CFAP161: variants seen among roughly 807,000 people sequenced by gnomAD.
CFAP161 encodes the protein cilia and flagella associated protein 161, also known as cilia- and flagella-associated protein 161.
In CFAP161, 25 loss-of-function variants were observed where a neutral mutation model predicts 29.0. That is an observed-to-expected ratio of 0.86 (90% CI 0.63 to 1.20). CFAP161 has a LOEUF of 1.20. Among genes scored for constraint, CFAP161 ranks in the 50% most tolerant of loss-of-function variants. CFAP161 has a pLI of 0.00. For missense variants in CFAP161, 367 were observed against 371.9 expected, an observed-to-expected ratio of 0.99 and a Z score of 0.11; for synonymous variants, 116 against 137.4, an observed-to-expected ratio of 0.84 and a Z score of 1.09.
At chr15:81,105,156 C>T (rs1349405387) in intron 1 of CFAP161, among the ~76,000 whole-genome samples, 12 of 23,372 alleles carry the variant, frequency 5.1e-4, no homozygotes, top group African/African-American at 1.2e-3. Context: ...TCCCTCCCTC[C>T]CTCCCTTCCT....
At chr15:81,124,984 G>C (rs990565912) in intron 1 of CFAP161, among the ~76,000 whole-genome samples, 54 of 151,606 alleles carry the variant, frequency 3.6e-4, no homozygotes, top group Non-Finnish European at 5.7e-4. Flanking sequence ...ATTTGTTTCA[G>C]TTAAAAAATT....
chr15:81,136,505 C>G lies in CFAP161; in HGVS notation c.160-11C>G, dbSNP rs1268804148. On this transcript the variant is annotated splice_polypyrimidine_tract_variant and intron_variant, in intron 2 of 6. Transcript: ENST00000286732. ...CATGGTTTATGTAATAAACTACTAT[C>G]AAAATTGTAGATGCAACTTTCCGTA... The G allele has an allele frequency of 6.2e-7, 1 of 1,612,124 alleles. No homozygotes were observed. The highest frequency in any genetic ancestry group is 1.1e-5 in the South Asian group (1 of 90,996).
At chr15:81,133,567 C>G (rs1894753515), upstream of CFAP161, among the ~76,000 whole-genome samples, 1 of 152,032 alleles carries the variant, frequency 6.6e-6, no homozygotes. Flanking sequence ...TAACTGGTAT[C>G]CCTCCCCTCC....
intron 1 of CFAP161, chr15:81,118,133 G>T: frequency 3.8e-6 from 2 of 522,250 alleles, no homozygotes; most frequent in Non-Finnish European, 7.0e-6. Context: ...GTGAGATTTG[G>T]AAGTTTTTCT....
intron 3 of CFAP161, among the ~76,000 whole-genome samples, chr15:81,137,265 C>G (rs984605351): frequency 3.9e-5 from 6 of 152,170 alleles, no homozygotes; most frequent in African/African-American, 1.4e-4. Context: ...AAAACTATTA[C>G]TAATTCGTAT....
At position 81,136,809 on chromosome 15, in the gene CFAP161, A is replaced by C. The variant is rs1894819641; in HGVS notation, c.392+61A>C. 4.2e-6 allele frequency: 6 copies of C among 1,441,710 alleles called. No homozygotes were observed. In the South Asian group the frequency reaches 7.2e-5, roughly 17 times the overall value. 89.3% of individuals were successfully genotyped at this position (1,441,710 alleles called of 1,614,324 possible). A position where few individuals can be genotyped will look rare whatever the true frequency, so the allele number is the denominator to read the frequency against. ...TAAATATGTTTCACTTGTAGCTTAA[A>C]GATTCCTGGGTATTGGAGCCACTGA... On this transcript the variant is annotated intron_variant, in intron 3 of 6. Transcript: ENST00000286732.
At chr15:81,121,288 T>C (rs1782783716) in intron 1 of CFAP161, among the ~76,000 whole-genome samples, 1 of 152,182 alleles carries the variant, frequency 6.6e-6, no homozygotes, top group African/African-American at 2.4e-5. Context: ...TATTCAAAAT[T>C]ATTCTCTTTT....
At chr15:81,107,827 G>A (rs1030395435) in intron 1 of CFAP161, among the ~76,000 whole-genome samples, 1 of 152,212 alleles carries the variant, frequency 6.6e-6, no homozygotes, top group African/African-American at 2.4e-5. Context: ...AAACTGATGT[G>A]TATAAACATG....
chr15:81,140,566 C>CT (rs906022716), intron 4 of CFAP161, among the ~76,000 whole-genome samples: 55 of 145,066 alleles, frequency 3.8e-4, no homozygotes, highest in South Asian at 8.8e-4. Flanking sequence ...TTTTTTTTTC[C>CT]TTTTTTTTTT....
In CFAP161 at chr15:81,134,383, T is replaced by C; in HGVS notation, c.54T>C (p.Asp18=). 1.3e-6 allele frequency: 2 copies of C among 1,587,904 alleles called. No homozygotes were observed. The highest frequency in any genetic ancestry group is 1.7e-6 in the Non-Finnish European group (2 of 1,168,122). The change falls in exon 1 of 7, where the codon GAT becomes GAC. Residue 18 remains aspartate (D), a synonymous_variant. Coordinates refer to ENST00000286732, the MANE Select transcript of CFAP161 (RefSeq NM_173528.4). ...PGVRIGNWNE[D]VYLEEELMKD... ...TCCGGATAGGCAACTGGAATGAGGA[T>C]GTCTACCTGGAGGAGGTACGCAGGG...
chr15:81,147,391 G>A (rs941771648), intron 5 of CFAP161, among the ~76,000 whole-genome samples: 3 of 152,044 alleles, frequency 2.0e-5, no homozygotes, highest in Non-Finnish European at 2.9e-5. Flanking sequence ...GTTCTTTTTG[G>A]TGGACGCATC....
chr15:81,140,195 A>G (rs905641061), intron 4 of CFAP161, among the ~76,000 whole-genome samples: 2 of 152,096 alleles, frequency 1.3e-5, no homozygotes, highest in African/African-American at 2.4e-5. Context: ...TTTAAATTGT[A>G]GTTGTTCTAA....
chr15:81,117,745 C>A, intron 1 of CFAP161: 1 of 304,280 alleles, frequency 3.3e-6, no homozygotes. Context: ...TTTATCAAGT[C>A]CAAATTCTTC....
intron 1 of CFAP161, among the ~76,000 whole-genome samples, chr15:81,107,541 C>T (rs8030663): frequency 0.09 from 13,638 of 152,110 alleles, 1,729 homozygotes; most frequent in African/African-American, 0.29. Flanking sequence ...GCCTGGCCAA[C>T]GTGGAGAAAC....
chr15:81,146,563 C>G (rs1895009130), intron 5 of CFAP161, among the ~76,000 whole-genome samples: 1 of 151,584 alleles, frequency 6.6e-6, no homozygotes, highest in African/African-American at 2.4e-5. Context: ...TTTCATCCAT[C>G]CATTATGGTT....
rs1894489558 is a variant in CFAP161 at position 81,115,776 on chromosome 15, C to T, written c.-141-11814C>T. Among the ~76,000 whole-genome samples, 3 of 151,852 alleles carry T rather than the reference C, an allele frequency of 2.0e-5. No homozygotes were observed. The South Asian group carries it at 6.2e-4, about 31-fold the overall frequency. On this transcript the variant is annotated intron_variant, in intron 1 of 4. Coordinates refer to the CFAP161 transcript ENST00000560091. ...CTCACTGCAACCTCAATCTCTCAAG[C>T]TCAAGTGATCTCTTATGGTCAGCCT...
At chr15:81,118,976 G>T (rs2141867567) in intron 1 of CFAP161, among the ~76,000 whole-genome samples, 1 of 152,316 alleles carries the variant, frequency 6.6e-6, no homozygotes, top group Admixed American at 6.5e-5. Context: ...AGAGTCGTCA[G>T]AACATTATTT....
chr15:81,124,053 T>C (rs557871912), intron 1 of CFAP161, among the ~76,000 whole-genome samples: 1 of 152,340 alleles, frequency 6.6e-6, no homozygotes, highest in African/African-American at 2.4e-5. Flanking sequence ...CTGATTGCCC[T>C]GGCCAGAACT....
chr15:81,142,042 GC>G (rs1894918454), intron 4 of CFAP161, among the ~76,000 whole-genome samples: 3 of 152,066 alleles, frequency 2.0e-5, no homozygotes, highest in Admixed American at 2.0e-4. Context: ...ATCATCCAGG[GC>G]CAATGGCGAA....
Sources: gnomAD v4.1 joint callset for allele counts (sites outside exome capture counted in the v4.1 genomes callset) on GRCh38, gnomAD v4.1.1 for gene constraint, MANE v1.5 for transcripts, NCBI Gene and HGNC (gene_info 2026-07-23, HGNC 2026-07-21) for gene names.